Variants in MERTK observed in about 807,000 individuals in gnomAD.
The protein encoded by MERTK is MER proto-oncogene, tyrosine kinase.
In MERTK, 69 loss-of-function variants were observed where a neutral mutation model predicts 99.3. The ratio of observed to expected loss-of-function variants is 0.70; its 90% CI spans 0.57 to 0.85. The LOEUF is 0.85. MERTK is among the 40% of genes least tolerant of loss of function. The probability of loss-of-function intolerance (pLI) is 0.00; values close to 1 mark genes in which losing one functional copy is unlikely to be tolerated. For synonymous variants in MERTK, 426 were observed against 467.6 expected (o/e 0.91, Z 1.15); for missense variants, 1,125 against 1,249.4 (o/e 0.90, Z 1.50).
intron 8 of MERTK, among the ~76,000 whole-genome samples, chr2:111,987,594 A>G (rs900408992): frequency 6.6e-6 from 1 of 152,230 alleles, no homozygotes; most frequent in African/African-American, 2.4e-5. Context: ...ATTTCTCTCC[A>G]TGAATGGGAC....
At chr2:111,999,686 A>G (rs1406357210) in intron 10 of MERTK, among the ~76,000 whole-genome samples, 1 of 152,218 alleles carries the variant, frequency 6.6e-6, no homozygotes, top group Admixed American at 6.5e-5. Context: ...CCCTATTATT[A>G]ACAGCTTACA....
chr2:111,962,301 A>G (rs1223346905), intron 4 of MERTK, among the ~76,000 whole-genome samples: 1 of 152,132 alleles, frequency 6.6e-6, no homozygotes, highest in Non-Finnish European at 1.5e-5. Flanking sequence ...TGAGGTCGGG[A>G]GTTCAGGACC....
intron 1 of MERTK, among the ~76,000 whole-genome samples, chr2:111,919,259 C>T (rs1303653089): frequency 1.3e-5 from 2 of 152,054 alleles, no homozygotes; most frequent in African/African-American, 2.4e-5. Flanking sequence ...TGGCCTTCCG[C>T]AGCCCCCTGG....
chr2:111,920,526 G>C (rs1283837805), intron 1 of MERTK, among the ~76,000 whole-genome samples: 1 of 150,740 alleles, frequency 6.6e-6, no homozygotes, highest in Non-Finnish European at 1.5e-5. Context: ...ATTTAGGACT[G>C]ATCCATCAGG....
chr2:111,964,132 CT>C (rs769898254), intron 4 of MERTK, among the ~76,000 whole-genome samples: 2 of 146,462 alleles, frequency 1.4e-5, no homozygotes, highest in African/African-American at 2.5e-5. Context: ...TGCTCCACCT[CT>C]TTGAGGGCAG....
At chr2:111,917,686 A>G (rs1352574512) in intron 1 of MERTK, among the ~76,000 whole-genome samples, 1 of 152,048 alleles carries the variant, frequency 6.6e-6, no homozygotes, top group Non-Finnish European at 1.5e-5. Flanking sequence ...AGAGATGGAG[A>G]CCATCCTGGC....
At chr2:111,966,432 A>G (rs1280517364) in intron 5 of MERTK, among the ~76,000 whole-genome samples, 1 of 152,222 alleles carries the variant, frequency 6.6e-6, no homozygotes, top group Non-Finnish European at 1.5e-5. Context: ...CACAATTCCC[A>G]TTATTACAAT....
chr2:111,958,717 G>A (rs2104715426), intron 4 of MERTK, among the ~76,000 whole-genome samples: 1 of 152,218 alleles, frequency 6.6e-6, no homozygotes, highest in Middle Eastern at 3.4e-3. Context: ...CTGTCCATTT[G>A]ACCTGAAGTC....
intron 9 of MERTK, chr2:111,994,605 A>G: frequency 5.6e-6 from 4 of 714,102 alleles, no homozygotes; most frequent in Non-Finnish European, 1.0e-5. Flanking sequence ...CCCTGTCTCT[A>G]CAAAAAATAT....
intron 4 of MERTK, among the ~76,000 whole-genome samples, chr2:111,963,643 G>A (rs1402097590): frequency 1.3e-5 from 2 of 152,210 alleles, no homozygotes; most frequent in African/African-American, 4.8e-5. Context: ...ACCCTGAGTT[G>A]ACACAGCACA....
At chr2:111,943,718 C>T (rs1684905182) in intron 2 of MERTK, among the ~76,000 whole-genome samples, 1 of 152,022 alleles carries the variant, frequency 6.6e-6, no homozygotes, top group Middle Eastern at 3.2e-3. Context: ...TGGCTAGGGC[C>T]CCAGAAAGTT....
chr2:112,023,196 C>G (rs764856567), intron 18 of MERTK, among the ~76,000 whole-genome samples: 3 of 152,060 alleles, frequency 2.0e-5, no homozygotes, highest in Non-Finnish European at 4.4e-5. Flanking sequence ...GGGTGGATCA[C>G]GAGGTCAGGA....
rs201359547 is a variant in MERTK, at chr2:111,968,087, A to G, written c.845-50A>G. 372 of 1,244,936 alleles carry G rather than the reference A, an allele frequency of 3.0e-4. 3 individuals carry two copies. The African/African-American group carries it at 3.6e-3, about 12-fold the overall frequency. The allele number at this position is 1,244,936 out of a possible 1,614,324, so 77.1% of individuals were successfully genotyped here. ...GTTTGGTAGCTGTAGCCTGTCATCT[A>G]TAATTGTGTTTGTGTGTGTATGTGT... On this transcript the variant is annotated intron_variant, in intron 5 of 18. Transcript: ENST00000295408.
intron 4 of MERTK, among the ~76,000 whole-genome samples, chr2:111,963,390 T>A (rs1228377712): frequency 1.3e-5 from 2 of 152,222 alleles, no homozygotes; most frequent in Non-Finnish European, 2.9e-5. Context: ...ACAGATCCTT[T>A]ACGGGTGTCG....
chr2:112,024,952 A>G lies in MERTK; in HGVS notation c.2486+2558A>G, dbSNP rs377598411. 279 of 154,556 alleles carry G rather than the reference A, an allele frequency of 1.8e-3. 8 individuals carry two copies. In the South Asian group the frequency reaches 0.05, roughly 28 times the overall value. 9.6% of individuals were successfully genotyped at this position (154,556 alleles called of 1,614,324 possible). A position where few individuals can be genotyped will look rare whatever the true frequency, so the allele number is the denominator to read the frequency against. ...CTCAAAAAAAGAAACAACAACAACA[A>G]AAACCCAAAAAACAAATCTAAAGTG... On this transcript the variant is annotated intron_variant, in intron 18 of 18. Transcript: ENST00000295408.
intron 15 of MERTK, among the ~76,000 whole-genome samples, chr2:112,018,135 G>A (rs1677256389): frequency 2.0e-5 from 3 of 152,190 alleles, no homozygotes; most frequent in African/African-American, 7.2e-5. Flanking sequence ...TTCATCACTA[G>A]TATATAAAAA....
intron 1 of MERTK, among the ~76,000 whole-genome samples, chr2:111,917,507 C>A (rs538637313): frequency 6.6e-6 from 1 of 152,116 alleles, no homozygotes; most frequent in African/African-American, 2.4e-5. Flanking sequence ...AAAAGGAAAC[C>A]GATTTGTTCT....
intron 15 of MERTK, among the ~76,000 whole-genome samples, chr2:112,016,753 T>C (rs1298483333): frequency 6.6e-6 from 1 of 152,194 alleles, no homozygotes; most frequent in Non-Finnish European, 1.5e-5. Context: ...CTGCTAGAGC[T>C]TCAGGGAAGA....
chr2:111,928,574 C>T (rs1267826345), intron 1 of MERTK, among the ~76,000 whole-genome samples: 1 of 152,208 alleles, frequency 6.6e-6, no homozygotes, highest in Non-Finnish European at 1.5e-5. Context: ...TAACCTCCGC[C>T]TCCCAGGTTC....
Sources: gnomAD v4.1 joint callset for allele counts (sites outside exome capture counted in the v4.1 genomes callset) on GRCh38, gnomAD v4.1.1 for gene constraint, MANE v1.5 for transcripts, NCBI Gene and HGNC (gene_info 2026-07-23, HGNC 2026-07-21) for gene names.